The following PRTG variants were observed in gnomAD, a reference collection of about 807,000 sequenced individuals.
PRTG encodes protogenin, also known as immunoglobulin superfamily, DCC subclass, member 5.
In PRTG, 67 loss-of-function variants were observed where a neutral mutation model predicts 122.5. That is an observed-to-expected ratio of 0.55 (90% CI 0.45 to 0.67). The LOEUF (loss-of-function observed/expected upper bound fraction) is 0.67, where lower values mean the gene tolerates loss of function less well. PRTG is among the 30% of genes least tolerant of loss of function. The pLI is 0.00. For synonymous variants in PRTG, 554 were observed against 501.1 expected (o/e 1.11, Z -1.41); for missense variants, 1,435 against 1,415.4 (o/e 1.01, Z -0.22).
At position 55,641,207 on chromosome 15, in the gene PRTG, G is replaced by T; in HGVS notation, c.2043C>A (p.Asp681Glu). The T allele has an allele frequency of 6.2e-7, 1 of 1,606,420 alleles. No homozygotes were observed. ...GTCTCACATGATATTTTCTTCTGGG[G>T]TCTATAAAGAAACCAATAGGAAATA... ...KDLLYTLSGL[D>E]PRRKYHVRLL... Residue 681 changes from aspartate to glutamate, a missense_variant and splice_region_variant, in exon 12 of 20, where the codon GAC becomes GAA. Coordinates refer to ENST00000389286, the MANE Select transcript of PRTG (RefSeq NM_173814.6).
At chr15:55,652,841 A>T (rs2059360326) in intron 11 of PRTG, among the ~76,000 whole-genome samples, 1 of 152,174 alleles carries the variant, frequency 6.6e-6, no homozygotes, top group Non-Finnish European at 1.5e-5. Flanking sequence ...AGGGGAGCAG[A>T]TCTCTAAGAC....
rs1361768668 is a variant in PRTG at position 55,742,820 on chromosome 15, A to G, written c.94+18T>C. On this transcript the variant is annotated intron_variant, in intron 1 of 19. Coordinates refer to ENST00000389286, the MANE Select transcript of PRTG (RefSeq NM_173814.6). ...CCGCCCCACAGCGGTAAGAGAAAGC[A>G]GAAGAAAGCGCGCCCACCTGGCAAA... 3.2e-6 allele frequency: 5 copies of G among 1,540,920 alleles called. No homozygotes were observed. The highest frequency in any genetic ancestry group is 1.2e-5 in the South Asian group (1 of 83,784).
chr15:55,739,653 T>C (rs1272986553), intron 2 of PRTG, among the ~76,000 whole-genome samples: 1 of 152,186 alleles, frequency 6.6e-6, no homozygotes, highest in African/African-American at 2.4e-5. Flanking sequence ...TAGGCCTATC[T>C]TTACACGCAA....
intron 11 of PRTG, among the ~76,000 whole-genome samples, chr15:55,670,929 ACACACACACACACACACACACAC>A (rs1178971736): frequency 6.8e-6 from 1 of 146,576 alleles, no homozygotes; most frequent in Non-Finnish European, 1.5e-5. Flanking sequence ...ACACACACAC[ACACACACACACACACACACACAC>A]ACTTTGTGTG....
In PRTG at chr15:55,639,699, G is replaced by C; in HGVS notation, c.2267C>G (p.Thr756Ser). ...CAGGCCAACAGGATTACAGCGGATG[G>C]TGTAGTTAATGATTTGTGCAGCGGT... ...AFTAAQIINY[T>S]IRCNPVGLQN... The change falls in exon 13 of 20, where the codon ACC becomes AGC. Residue 756 changes from threonine (T) to serine (S), a missense_variant. By Grantham distance (58) the Thr-to-Ser change is moderately conservative. Transcript: ENST00000389286. 6.2e-7 allele frequency: 1 copy of C among 1,614,164 alleles called. No homozygotes were observed.
intron 1 of PRTG, 145 bp downstream of exon 1, chr15:55,742,693 G>T: frequency 1.0e-6 from 1 of 970,844 alleles, no homozygotes; most frequent in Non-Finnish European, 1.5e-6. Flanking sequence ...CAGGCCGCAG[G>T]GCGAGAGCGG....
At chr15:55,642,934 T>G (rs1037382349) in intron 11 of PRTG, among the ~76,000 whole-genome samples, 1 of 151,942 alleles carries the variant, frequency 6.6e-6, no homozygotes, top group Non-Finnish European at 1.5e-5. Flanking sequence ...ATTAGCTTGG[T>G]GTGGTGGTGC....
At position 55,716,300 on chromosome 15, in the gene PRTG, A is replaced by C. The variant is rs191269929; in HGVS notation, c.397+24082T>G. Among the ~76,000 whole-genome samples, 110 of 152,348 alleles carry C rather than the reference A, an allele frequency of 7.2e-4. No homozygotes were observed. In the Middle Eastern group the frequency reaches 0.02, roughly 28 times the overall value. On this transcript the variant is annotated intron_variant, in intron 2 of 19. Coordinates refer to ENST00000389286, the MANE Select transcript of PRTG (RefSeq NM_173814.6). The stretch of plus-strand genomic sequence containing the variant: ...CAACTGGTTCTCTAAATAAAATTAT[A>C]TATCAATCACAATAATTTCACTTTT...
At chr15:55,691,369 TGGCTTTCTAGCTG>T (rs2059600686) in intron 2 of PRTG, among the ~76,000 whole-genome samples, 1 of 151,584 alleles carries the variant, frequency 6.6e-6, no homozygotes, top group South Asian at 2.1e-4. Flanking sequence ...TGAAATGCAT[TGGCTTTCTAGCTG>T]GGTAAGAATA....
chr15:55,722,865 GA>G (rs2141871079), intron 2 of PRTG, among the ~76,000 whole-genome samples: 1 of 152,310 alleles, frequency 6.6e-6, no homozygotes, highest in East Asian at 1.9e-4. Context: ...CCTCCAGGAA[GA>G]AGTAGTGATT....
Position 55,627,012 on chromosome 15 carries a change from C to CT in PRTG, c.2922dup (p.Ala975SerfsTer26). ...TCTCTAGCAATGGAAACACACCTGG[C>CT]TTTACTTCGGTATATCAAGATGAGA... is the stretch of plus-strand genomic sequence containing the variant. On this transcript the variant is annotated frameshift_variant, in exon 17 of 20. Transcript: ENST00000389286. LOFTEE classifies it high-confidence loss of function. The CT allele has an allele frequency of 6.2e-7, 1 of 1,605,492 alleles. No individual in the cohort carries two copies. Among genetic ancestry groups the CT allele is most frequent in the Non-Finnish European group, 8.5e-7 (1 of 1,176,918 alleles).
At chr15:55,709,623 G>T (rs1301542315) in intron 2 of PRTG, among the ~76,000 whole-genome samples, 1 of 151,968 alleles carries the variant, frequency 6.6e-6, no homozygotes, top group East Asian at 1.9e-4. Context: ...AAACTGTTTG[G>T]AAACAGCCCT....
chr15:55,625,099 G>A (rs188300513), intron 17 of PRTG, among the ~76,000 whole-genome samples: 2 of 151,324 alleles, frequency 1.3e-5, no homozygotes, highest in African/African-American at 4.8e-5. Flanking sequence ...CTAATGACGG[G>A]GATTACCTAA....
chr15:55,679,608 G>C (rs1053961433), intron 6 of PRTG, 163 bp from the exon 7 acceptor site: 1 of 553,076 alleles, frequency 1.8e-6, no homozygotes, highest in African/African-American at 1.9e-5. Flanking sequence ...GCCTTTTCTC[G>C]GCATTGCTCA....
chr15:55,638,010 G>A (rs1488548467), intron 14 of PRTG, among the ~76,000 whole-genome samples: 2 of 152,110 alleles, frequency 1.3e-5, no homozygotes, highest in Non-Finnish European at 2.9e-5. Flanking sequence ...AATTAAAATA[G>A]AGCAGAAATG....
intron 13 of PRTG, among the ~76,000 whole-genome samples, chr15:55,639,279 C>G (rs1381542318): frequency 6.6e-6 from 1 of 152,154 alleles, no homozygotes; most frequent in African/African-American, 2.4e-5. Context: ...TTTCTTAACT[C>G]TAACCTAGAA....
chr15:55,710,362 C>A (rs1456170539), intron 2 of PRTG, among the ~76,000 whole-genome samples: 1 of 152,164 alleles, frequency 6.6e-6, no homozygotes, highest in African/African-American at 2.4e-5. Flanking sequence ...TCATTATACA[C>A]ATACAATTTA....
intron 2 of PRTG, among the ~76,000 whole-genome samples, chr15:55,737,993 TC>T (rs2031469334): frequency 3.1e-5 from 2 of 63,728 alleles, no homozygotes; most frequent in Non-Finnish European, 7.6e-5. Flanking sequence ...TCTCTCTCTC[TC>T]TCTCTCTCTA....
At chr15:55,718,846 G>A (rs1372719017) in intron 2 of PRTG, among the ~76,000 whole-genome samples, 2 of 151,874 alleles carry the variant, frequency 1.3e-5, no homozygotes, top group African/African-American at 2.4e-5. Flanking sequence ...GGGTTCAAGC[G>A]ATTCACCTGC....
Sources: gnomAD v4.1 joint callset for allele counts (sites outside exome capture counted in the v4.1 genomes callset) on GRCh38, gnomAD v4.1.1 for gene constraint, MANE v1.5 for transcripts, NCBI Gene and HGNC (gene_info 2026-07-23, HGNC 2026-07-21) for gene names.